The following PPFIA2 variants were observed in gnomAD, a reference collection of about 807,000 sequenced individuals.
The protein encoded by PPFIA2 is liprin-alpha-2.
A neutral mutation model predicts 175.5 loss-of-function variants in PPFIA2; 46 were observed. That is an observed-to-expected ratio of 0.26 (90% confidence interval 0.21 to 0.34). PPFIA2 has a LOEUF of 0.34. PPFIA2 is among the 10% of genes least tolerant of loss of function. The pLI is 1.00. For missense variants in PPFIA2, 1,179 were observed against 1,506.1 expected, an observed-to-expected ratio of 0.78 and a Z score of 3.60; for synonymous variants, 568 against 511.4, an observed-to-expected ratio of 1.11 and a Z score of -1.49.
intron 7 of PPFIA2, among the ~76,000 whole-genome samples, chr12:81,409,672 T>C (rs1353263785): frequency 1.3e-5 from 2 of 152,164 alleles, no homozygotes; most frequent in Non-Finnish European, 2.9e-5. Flanking sequence ...TCTGTGATAT[T>C]CTGTTATAGC....
chr12:81,414,933 T>C (rs2044663137), intron 7 of PPFIA2, among the ~76,000 whole-genome samples: 1 of 150,926 alleles, frequency 6.6e-6, no homozygotes, highest in African/African-American at 2.4e-5. Context: ...CTATTTCCTT[T>C]TCTAGCTCTG....
intron 3 of PPFIA2, among the ~76,000 whole-genome samples, chr12:81,686,445 G>C (rs893550569): frequency 5.9e-5 from 9 of 152,186 alleles, no homozygotes; most frequent in African/African-American, 2.2e-4. Context: ...AGAGATTCAG[G>C]TTCTACATTT....
At chr12:81,722,011 G>T (rs2079419268) in intron 3 of PPFIA2, among the ~76,000 whole-genome samples, 1 of 150,862 alleles carries the variant, frequency 6.6e-6, no homozygotes, top group African/African-American at 2.4e-5. Flanking sequence ...GGTGGTGTAG[G>T]ACATTAGTTT....
At chr12:81,505,862 A>C (rs77904257) in intron 4 of PPFIA2, 13,940 of 152,234 alleles carry the variant, frequency 0.092, 834 homozygotes, top group Middle Eastern at 0.14. Context: ...TGGATTAGGG[A>C]TTTTCAGGGT....
chr12:81,474,019 T>A (rs1055224830), intron 4 of PPFIA2, among the ~76,000 whole-genome samples: 3 of 152,218 alleles, frequency 2.0e-5, no homozygotes, highest in African/African-American at 4.8e-5. Flanking sequence ...TTTAACAATA[T>A]ATTTCAAGAG....
chr12:81,538,923 G>T (rs1436286971), intron 4 of PPFIA2, among the ~76,000 whole-genome samples: 1 of 151,914 alleles, frequency 6.6e-6, no homozygotes, highest in African/African-American at 2.4e-5. Context: ...AGACCATAGA[G>T]CGACCAGGGT....
intron 4 of PPFIA2, among the ~76,000 whole-genome samples, chr12:81,665,207 T>A (rs956560147): frequency 1.3e-5 from 2 of 151,784 alleles, no homozygotes; most frequent in Non-Finnish European, 2.9e-5. Flanking sequence ...GTGAAAAAAA[T>A]TTACGGTACA....
At chr12:81,687,146 A>C (rs2074538411) in intron 3 of PPFIA2, among the ~76,000 whole-genome samples, 1 of 152,056 alleles carries the variant, frequency 6.6e-6, no homozygotes, top group African/African-American at 2.4e-5. Context: ...TTTTAAATGC[A>C]AATATAGACA....
At chr12:81,271,085 C>G (rs74755453) in intron 28 of PPFIA2, among the ~76,000 whole-genome samples, 7,041 of 152,172 alleles carry the variant, frequency 0.046, 316 homozygotes, top group African/African-American at 0.1. Flanking sequence ...CCATTGTATA[C>G]AGCATATCAT....
intron 7 of PPFIA2, among the ~76,000 whole-genome samples, chr12:81,435,555 G>T (rs1028963869): frequency 6.6e-6 from 1 of 151,924 alleles, no homozygotes; most frequent in Non-Finnish European, 1.5e-5. Flanking sequence ...TAAGACAAGT[G>T]GTGGTGGTGG....
chr12:81,395,334 T>A (rs1373414961), intron 8 of PPFIA2, among the ~76,000 whole-genome samples: 2 of 152,040 alleles, frequency 1.3e-5, no homozygotes, highest in Non-Finnish European at 2.9e-5. Flanking sequence ...AATGGAGACA[T>A]AAGCCATATG....
chr12:81,339,113 G>A (rs1231177992), intron 21 of PPFIA2, 67 bp downstream of exon 21: 2 of 1,293,834 alleles, frequency 1.5e-6, no homozygotes, highest in Non-Finnish European at 2.1e-6. Context: ...TGAAATGAAA[G>A]ATAGATGGAT....
chr12:81,644,484 T>C (rs1215102113), intron 4 of PPFIA2, among the ~76,000 whole-genome samples: 2 of 152,058 alleles, frequency 1.3e-5, no homozygotes, highest in Non-Finnish European at 2.9e-5. Flanking sequence ...TATAAAAAAG[T>C]AATCATTAGC....
chr12:81,631,861 G>A (rs2063427980), intron 4 of PPFIA2, among the ~76,000 whole-genome samples: 1 of 152,140 alleles, frequency 6.6e-6, no homozygotes, highest in African/African-American at 2.4e-5. Flanking sequence ...GTGTGATGTA[G>A]TGGCATGACA....
intron 9 of PPFIA2, among the ~76,000 whole-genome samples, chr12:81,379,085 G>A (rs2037046576): frequency 6.6e-6 from 1 of 152,012 alleles, no homozygotes; most frequent in Admixed American, 6.6e-5. Context: ...TGTAATTTTG[G>A]TACTGCATTT....
intron 14 of PPFIA2, among the ~76,000 whole-genome samples, chr12:81,366,707 A>G (rs2033563005): frequency 6.6e-6 from 1 of 151,792 alleles, no homozygotes; most frequent in Non-Finnish European, 1.5e-5. Context: ...AATTCTATTT[A>G]TAATAGTATT....
chr12:81,536,010 C>T (rs1396550418), intron 4 of PPFIA2, among the ~76,000 whole-genome samples: 1 of 151,638 alleles, frequency 6.6e-6, no homozygotes, highest in Non-Finnish European at 1.5e-5. Context: ...ACAAGCAAAG[C>T]CACATTTTCA....
intron 4 of PPFIA2, among the ~76,000 whole-genome samples, chr12:81,519,125 C>G (rs555097899): frequency 6.6e-6 from 1 of 152,028 alleles, no homozygotes; most frequent in Non-Finnish European, 1.5e-5. Context: ...AATCTCCTAC[C>G]TTTTAAATGG....
At position 81,471,982 on chromosome 12, in the gene PPFIA2, G is replaced by GT. The variant is rs1017547794; in HGVS notation, c.304-14117dup. Among the ~76,000 whole-genome samples the GT allele has an allele frequency of 1.2e-4, 19 of 152,122 alleles. No individual in the cohort carries two copies. The East Asian group carries it at 1.7e-3, about 14-fold the overall frequency. ...ATTGTATACATTAATTATATGAAGA[G>GT]TTTTTTTAAACAAATACACACAAGG... On this transcript the variant is annotated intron_variant, in intron 4 of 32. Transcript: ENST00000549396.
Sources: allele counts gnomAD v4.1 joint callset (sites outside exome capture counted in the v4.1 genomes callset), GRCh38; gene constraint gnomAD v4.1.1; transcripts MANE v1.5; gene names NCBI Gene and HGNC (gene_info 2026-07-23, HGNC 2026-07-21).